LRRC7: variants seen among roughly 807,000 people sequenced by gnomAD.
The protein encoded by LRRC7 is leucine-rich repeat-containing protein 7.
Under a neutral mutation model 175.7 loss-of-function variants are expected in LRRC7, and 23 were observed. That is an observed-to-expected ratio of 0.13 (90% CI 0.09 to 0.19). LRRC7 has a LOEUF of 0.19. Among genes scored for constraint, LRRC7 ranks in the 10% least tolerant of loss-of-function variants. The probability of loss-of-function intolerance (pLI) is 1.00; values close to 1 mark genes in which losing one functional copy is unlikely to be tolerated. For missense variants in LRRC7, 1,354 were observed against 1,904.7 expected (o/e 0.71, Z 5.38); for synonymous variants, 685 against 680.9 (o/e 1.01, Z -0.09).
intron 8 of LRRC7, among the ~76,000 whole-genome samples, chr1:69,969,154 C>T (rs1651969871): frequency 6.6e-6 from 1 of 152,018 alleles, no homozygotes; most frequent in African/African-American, 2.4e-5. Flanking sequence ...CTTGGAAACA[C>T]ATCAAAACAG....
At position 70,039,204 on chromosome 1, in the gene LRRC7, C is replaced by G; in HGVS notation, c.3380C>G (p.Ser1127Cys). The G allele has an allele frequency of 6.2e-7, 1 of 1,614,124 alleles. No homozygotes were observed. Among genetic ancestry groups the G allele is most frequent in the Non-Finnish European group, 8.5e-7 (1 of 1,180,004 alleles). The change falls in exon 21 of 27, where the codon TCT becomes TGT. Residue 1127 changes from serine (S) to cysteine (C), a missense_variant. By Grantham distance (112) the Ser-to-Cys change is moderately radical (BLOSUM62 -1). Transcript: ENST00000651989. ...CCGATGGAGCAAATGTTTTCATTTT[C>G]TCAGCCATCTGTGAATGAGGATGCT... ...YPPMEQMFSF[S>C]QPSVNEDAVV...
intron 7 of LRRC7, chr1:69,919,283 G>A (rs985761620): frequency 5.8e-6 from 3 of 513,588 alleles, no homozygotes; most frequent in African/African-American, 3.9e-5. Flanking sequence ...GTATTTGCTA[G>A]ATACATTAGC....
intron 8 of LRRC7, among the ~76,000 whole-genome samples, chr1:69,955,030 C>T (rs191961501): frequency 2.4e-4 from 37 of 152,034 alleles, no homozygotes; most frequent in Non-Finnish European, 4.1e-4. Context: ...TTCATTTCTT[C>T]GTTCATTCAA....
At chr1:70,000,989 C>T (rs76265096) in intron 11 of LRRC7, among the ~76,000 whole-genome samples, 18 of 152,094 alleles carry the variant, frequency 1.2e-4, no homozygotes, top group East Asian at 5.8e-4. Flanking sequence ...GTCCCTGTTC[C>T]GACTGTTTCT....
chr1:69,568,540 C>T lies in LRRC7; in HGVS notation c.-100C>T, dbSNP rs887953286. On this transcript the variant is annotated 5_prime_UTR_variant, in exon 1 of 27. Transcript: ENST00000651989. Reference sequence around the variant, plus strand: ...TCCTCTTCTCCTCCGAAGACCCTGGCGCCCACTCCACTGCGGACCCCTGAA... The same window carrying T: ...TCCTCTTCTCCTCCGAAGACCCTGGTGCCCACTCCACTGCGGACCCCTGAA... The T allele has an allele frequency of 1.9e-5, 22 of 1,167,714 alleles. 1 individual carries two copies. The highest frequency in any genetic ancestry group is 6.5e-5 in the East Asian group (1 of 15,320). 72.3% of individuals were successfully genotyped at this position (1,167,714 alleles called of 1,614,324 possible).
intron 1 of LRRC7, among the ~76,000 whole-genome samples, chr1:69,658,667 T>C (rs1657001068): frequency 6.6e-6 from 1 of 152,022 alleles, no homozygotes; most frequent in Non-Finnish European, 1.5e-5. Context: ...GTAAGTTCAT[T>C]ATATAAAACA....
rs199579993 is a variant in LRRC7, at chr1:69,961,501, A to C, written c.712-18878A>C. Among the ~76,000 whole-genome samples, 14 of 152,260 alleles carry C rather than the reference A, an allele frequency of 9.2e-5. No individual in the cohort carries two copies. In the East Asian group the frequency reaches 2.7e-3, roughly 29 times the overall value. On this transcript the variant is annotated intron_variant, in intron 8 of 26. Transcript: ENST00000651989. ...AAACTATTTTAAATTCATATGGAAC[A>C]AAAAAAGAGCCCAAATAGCCAAGGC... is the stretch of plus-strand genomic sequence containing the variant.
intron 7 of LRRC7, among the ~76,000 whole-genome samples, chr1:69,907,573 A>G (rs1459634312): frequency 6.6e-6 from 1 of 151,992 alleles, no homozygotes; most frequent in Non-Finnish European, 1.5e-5. Context: ...TTATTGATTT[A>G]TGTATGTTGA....
chr1:70,116,440 G>T (rs905870048), intron 26 of LRRC7, among the ~76,000 whole-genome samples: 1 of 151,972 alleles, frequency 6.6e-6, no homozygotes, highest in Non-Finnish European at 1.5e-5. Flanking sequence ...CCAGCTACTC[G>T]GGAGGCTGAG....
At chr1:69,694,321 T>G (rs1385457669) in intron 2 of LRRC7, among the ~76,000 whole-genome samples, 1 of 152,226 alleles carries the variant, frequency 6.6e-6, no homozygotes, top group East Asian at 1.9e-4. Context: ...TGCTCAAGTT[T>G]CCTGGACATT....
At chr1:69,927,735 T>G (rs1647131792) in intron 7 of LRRC7, among the ~76,000 whole-genome samples, 2 of 152,290 alleles carry the variant, frequency 1.3e-5, no homozygotes, top group South Asian at 4.1e-4. Context: ...ATTTTTAACT[T>G]CTTTGCCTTT....
At chr1:69,876,004 G>A (rs1686012771) in intron 7 of LRRC7, among the ~76,000 whole-genome samples, 1 of 152,074 alleles carries the variant, frequency 6.6e-6, no homozygotes, top group South Asian at 2.1e-4. Flanking sequence ...TCTCAGGAAC[G>A]TGGGGCATGA....
intron 4 of LRRC7, among the ~76,000 whole-genome samples, chr1:69,806,031 A>G (rs1677077239): frequency 6.6e-6 from 1 of 151,916 alleles, no homozygotes; most frequent in South Asian, 2.1e-4. Context: ...TTAAAAGAGC[A>G]AACTTAAATG....
Position 69,568,311 on chromosome 1 carries a change from C to G in LRRC7, c.-329C>G, listed in dbSNP as rs559880790. 9.8e-6 allele frequency: 2 copies of G among 204,428 alleles called. No individual in the cohort carries two copies. Among genetic ancestry groups the G allele is most frequent in the Non-Finnish European group, 1.9e-5 (2 of 105,274 alleles). The allele number at this position is 204,428 out of a possible 1,614,324, so 12.7% of individuals were successfully genotyped here. ...CCGCCGCCGCCGCTGCTGCTGCGGT[C>G]GCTAGCGCGGCGCGCTGGGCAGGCT... On this transcript the variant is annotated 5_prime_UTR_variant, in exon 1 of 27. Coordinates refer to ENST00000651989, the MANE Select transcript of LRRC7 (RefSeq NM_001370785.2).
At position 70,039,360 on chromosome 1, in the gene LRRC7, A is replaced by G; in HGVS notation, c.3536A>G (p.Asp1179Gly). The G allele has an allele frequency of 6.2e-7, 1 of 1,614,062 alleles. No individual in the cohort carries two copies. Among genetic ancestry groups the G allele is most frequent in the Non-Finnish European group, 8.5e-7 (1 of 1,179,998 alleles). The change falls in exon 21 of 27, where the codon GAT becomes GGT. Residue 1179 changes from aspartate to glycine, a missense_variant. Around this residue, in one of 4 missense-constraint regions of LRRC7, gnomAD observed 1,032 missense variants for 1,227.2 expected, o/e 0.84. Coordinates refer to ENST00000651989, the MANE Select transcript of LRRC7 (RefSeq NM_001370785.2). ...GAGCCTCATGAGCTGCCCCCAACTG[A>G]TAGGTACGGCAGACCCCCATATAGG... is the stretch of plus-strand genomic sequence containing the variant. Reference protein sequence around the residue: ...VNEPHELPPTDRYGRPPYRGG... With the variant: ...VNEPHELPPTGRYGRPPYRGG...
chr1:70,116,811 T>A (rs1445171597), intron 26 of LRRC7, among the ~76,000 whole-genome samples: 3 of 152,174 alleles, frequency 2.0e-5, no homozygotes, highest in African/African-American at 4.8e-5. Flanking sequence ...ATCCCAATAC[T>A]TAATGAGAGT....
chr1:69,698,675 C>A (rs746434309), intron 2 of LRRC7, among the ~76,000 whole-genome samples: 3 of 152,188 alleles, frequency 2.0e-5, no homozygotes, highest in Non-Finnish European at 2.9e-5. Context: ...AACCATATTT[C>A]ATGACACAAT....
At chr1:69,644,164 A>G (rs1172986718) in intron 1 of LRRC7, among the ~76,000 whole-genome samples, 1 of 152,120 alleles carries the variant, frequency 6.6e-6, no homozygotes, top group African/African-American at 2.4e-5. Context: ...ATAAATATCA[A>G]TAAGAACAAG....
At chr1:70,050,507 A>G (rs1660667984) in intron 22 of LRRC7, among the ~76,000 whole-genome samples, 1 of 152,092 alleles carries the variant, frequency 6.6e-6, no homozygotes, top group South Asian at 2.1e-4. Flanking sequence ...ATATTTAGTT[A>G]TATATGATGA....
Sources: allele counts gnomAD v4.1 joint callset (sites outside exome capture counted in the v4.1 genomes callset), GRCh38; gene constraint gnomAD v4.1.1; regional missense constraint gnomAD v4.1.1; transcripts MANE v1.5; gene names NCBI Gene and HGNC (gene_info 2026-07-23, HGNC 2026-07-21).